The following KDM5D variants were observed in gnomAD, a reference collection of about 807,000 sequenced individuals.
KDM5D encodes lysine-specific demethylase 5D.
Under a neutral mutation model 31.9 loss-of-function variants are expected in KDM5D, and 25 were observed. That is an observed-to-expected ratio of 0.78 (90% CI 0.57 to 1.09). KDM5D has a LOEUF of 1.09. Among genes scored for constraint, KDM5D ranks in the 50% least tolerant of loss-of-function variants. KDM5D has a pLI of 0.00. For missense variants in KDM5D, 366 were observed against 341.6 expected, an observed-to-expected ratio of 1.07 and a Z score of -0.56; for synonymous variants, 146 against 122.3, an observed-to-expected ratio of 1.19 and a Z score of -1.28.
intron 13 of KDM5D, among the ~76,000 whole-genome samples, chrY:19,720,043 G>T (rs959349908): frequency 1.5e-4 from 5 of 32,503 alleles, no homozygotes; most frequent in Non-Finnish European, 3.0e-4. Context: ...GCTACATAAA[G>T]AAAGTAATAC....
chrY:19,735,069 C>G (rs2045497817), intron 8 of KDM5D, among the ~76,000 whole-genome samples: 1 of 32,691 alleles, frequency 3.1e-5, no homozygotes, highest in Non-Finnish European at 7.5e-5. Flanking sequence ...ATCACATTAT[C>G]TCCTATATTA....
intron 18 of KDM5D, 184 bp downstream of exon 18, chrY:19,715,168 T>C: frequency 6.4e-6 from 1 of 157,151 alleles, no homozygotes; most frequent in Non-Finnish European, 1.2e-5. Context: ...TGAGATGGAG[T>C]TTTGCTCTTG....
intron 11 of KDM5D, among the ~76,000 whole-genome samples, chrY:19,725,713 T>C (rs2045426705): frequency 3.0e-5 from 1 of 32,938 alleles, no homozygotes; most frequent in East Asian, 7.9e-4. Flanking sequence ...CTAATTAAAC[T>C]AAAGAGTTTG....
At chrY:19,726,007 C>G in intron 11 of KDM5D, among the ~76,000 whole-genome samples, 2 of 33,896 alleles carry the variant, frequency 5.9e-5, no homozygotes, top group East Asian at 1.6e-3. Context: ...GAAATACCAT[C>G]TTACGGCAGT....
In KDM5D at chrY:19,720,916, C is replaced by G; in HGVS notation, c.1672G>C (p.Val558Leu). Residue 558 changes from valine to leucine, a missense_variant, in exon 13 of 27, where the codon GTC (valine) becomes CTC (leucine). By Grantham distance (32) the Val-to-Leu change is conservative. Coordinates refer to ENST00000317961, the MANE Select transcript of KDM5D (RefSeq NM_004653.5). Reference protein sequence around the residue: ...DSQPDLLHQLVTLMNPNTLMS... With the variant: ...DSQPDLLHQLLTLMNPNTLMS... ...AAAGTGTTGGGATTCATGAGAGTGA[C>G]AAGCTGGTGTAGGAGATCAGGCTGG... 2.5e-6 allele frequency: 1 copy of G among 398,007 alleles called. No individual in the cohort carries two copies. The highest frequency in any genetic ancestry group is 3.5e-6 in the Non-Finnish European group (1 of 282,859).
chrY:19,708,186 T>C, intron 22 of KDM5D, 58 bp downstream of exon 22: 2 of 376,405 alleles, frequency 5.3e-6, no homozygotes, highest in Non-Finnish European at 7.5e-6. Flanking sequence ...ATATGCGCCA[T>C]CTCACAGCAG....
chrY:19,705,962 A>G lies in KDM5D; in HGVS notation c.*33T>C. On this transcript the variant is annotated 3_prime_UTR_variant, in exon 27 of 27. Coordinates refer to ENST00000317961, the MANE Select transcript of KDM5D (RefSeq NM_004653.5). ...AGTAGGATTTAAGAAACAAACAAAC[A>G]AAAACAACCACAAATGACCTTTGGT... 1 of 327,381 alleles carries G rather than the reference A, an allele frequency of 3.1e-6. No individual in the cohort carries two copies. The highest frequency in any genetic ancestry group is 4.5e-6 in the Non-Finnish European group (1 of 221,210). 81.7% of individuals were successfully genotyped at this position (327,381 alleles called of 400,897 possible).
intron 3 of KDM5D, among the ~76,000 whole-genome samples, chrY:19,742,349 A>C (rs2045559095): frequency 2.9e-5 from 1 of 34,107 alleles, no homozygotes; most frequent in African/African-American, 1.1e-4. Context: ...GAAAATGACA[A>C]ATCATTCATA....
chrY:19,716,935 T>C, intron 13 of KDM5D, among the ~76,000 whole-genome samples: 1 of 32,870 alleles, frequency 3.0e-5, no homozygotes, highest in Non-Finnish European at 7.5e-5. Context: ...TATAGAGGGG[T>C]CCACGAACAA....
chrY:19,728,224 ATTGAC>A (rs2045447386), intron 11 of KDM5D, among the ~76,000 whole-genome samples: 6 of 34,086 alleles, frequency 1.8e-4, no homozygotes, highest in Non-Finnish European at 2.9e-4. Flanking sequence ...AAGATTCAGA[ATTGAC>A]TTGTCAAAAG....
chrY:19,706,765 A>G (rs2045241301), intron 25 of KDM5D, 29 bp downstream of exon 25: 4 of 380,197 alleles, frequency 1.1e-5, no homozygotes. Context: ...TGTTTAGCCA[A>G]CAGCCTACCC....
intron 11 of KDM5D, among the ~76,000 whole-genome samples, chrY:19,723,701 C>A (rs2045411111): frequency 3.0e-5 from 1 of 33,005 alleles, no homozygotes; most frequent in Non-Finnish European, 7.4e-5. Context: ...TTTATTTAAA[C>A]ATAAAACCTC....
intron 13 of KDM5D, among the ~76,000 whole-genome samples, chrY:19,718,575 G>C (rs752789125): frequency 5.9e-5 from 2 of 34,101 alleles, no homozygotes; most frequent in African/African-American, 2.3e-4. Context: ...GACTTTTCTG[G>C]AGAAATTAAA....
At chrY:19,708,181 C>A in intron 22 of KDM5D, 63 bp downstream of exon 22, 1 of 369,914 alleles carries the variant, frequency 2.7e-6, no homozygotes, top group Non-Finnish European at 3.8e-6. Flanking sequence ...TCATTATATG[C>A]GCCATCTCAC....
intron 13 of KDM5D, among the ~76,000 whole-genome samples, chrY:19,718,104 T>C (rs2045362340): frequency 2.9e-5 from 1 of 34,228 alleles, no homozygotes; most frequent in African/African-American, 1.1e-4. Flanking sequence ...CCCTTGAGCA[T>C]GGCTGGTAAG....
intron 11 of KDM5D, among the ~76,000 whole-genome samples, chrY:19,724,920 CAAAG>C (rs2045419120): frequency 3.0e-5 from 1 of 32,856 alleles, no homozygotes; most frequent in Non-Finnish European, 7.5e-5. Context: ...CAATAACAGA[CAAAG>C]AGAGAGTCAA....
At chrY:19,740,422 T>A in intron 5 of KDM5D, among the ~76,000 whole-genome samples, 1 of 31,321 alleles carries the variant, frequency 3.2e-5, no homozygotes, top group Non-Finnish European at 7.7e-5. Flanking sequence ...CAAAAATGAG[T>A]GGGCATAGTC....
chrY:19,728,246 C>G (rs2045447644), intron 11 of KDM5D, among the ~76,000 whole-genome samples: 1 of 33,991 alleles, frequency 2.9e-5, no homozygotes, highest in Non-Finnish European at 7.3e-5. Flanking sequence ...AAAGCCAAAA[C>G]AGATTTCTAA....
intron 13 of KDM5D, among the ~76,000 whole-genome samples, chrY:19,717,316 T>G: frequency 3.0e-5 from 1 of 33,015 alleles, no homozygotes; most frequent in African/African-American, 1.2e-4. Flanking sequence ...CCCGAAGAAC[T>G]AAGGTGGTGT....
Sources: allele counts gnomAD v4.1 joint callset (sites outside exome capture counted in the v4.1 genomes callset), GRCh38; gene constraint gnomAD v4.1.1; transcripts MANE v1.5; gene names NCBI Gene and HGNC (gene_info 2026-07-23, HGNC 2026-07-21).